PCDH9: variants seen among roughly 807,000 people sequenced by gnomAD.
PCDH9 encodes protocadherin-9.
In PCDH9, 24 loss-of-function variants were observed where a neutral mutation model predicts 70.6. The observed-to-expected ratio is 0.34, with a 90% CI of 0.25 to 0.48. The LOEUF (loss-of-function observed/expected upper bound fraction) is 0.48, where lower values mean the gene tolerates loss of function less well. PCDH9 is among the 20% of genes least tolerant of loss of function. The pLI, the probability that PCDH9 is intolerant of heterozygous loss-of-function variation, is 0.99. For missense variants in PCDH9, 1,281 were observed against 1,503.6 expected (o/e 0.85, Z 2.45); for synonymous variants, 562 against 558.5 (o/e 1.01, Z -0.09).
chr13:66,616,329 C>T (rs1177903746), intron 4 of PCDH9, among the ~76,000 whole-genome samples: 4 of 151,990 alleles, frequency 2.6e-5, no homozygotes, highest in African/African-American at 9.7e-5. Context: ...ATTCTTACTG[C>T]ACTTTTTGCA....
At chr13:66,358,208 G>T (rs999611174) in intron 4 of PCDH9, among the ~76,000 whole-genome samples, 9 of 151,796 alleles carry the variant, frequency 5.9e-5, no homozygotes, top group Admixed American at 1.3e-4. Context: ...TTTACTTAAA[G>T]AAAGCTACTA....
intron 3 of PCDH9, among the ~76,000 whole-genome samples, chr13:66,862,053 C>T (rs1594167105): frequency 6.6e-6 from 1 of 152,280 alleles, no homozygotes; most frequent in East Asian, 1.9e-4. Flanking sequence ...GTTTGTGTCA[C>T]ATTGAACTTG....
intron 4 of PCDH9, among the ~76,000 whole-genome samples, chr13:66,621,397 G>A (rs1275566944): frequency 6.6e-6 from 1 of 152,174 alleles, no homozygotes; most frequent in African/African-American, 2.4e-5. Flanking sequence ...TGACAGGCAT[G>A]GAGAATAGAA....
At chr13:66,893,061 G>A (rs1192587576) in intron 3 of PCDH9, among the ~76,000 whole-genome samples, 2 of 152,042 alleles carry the variant, frequency 1.3e-5, no homozygotes, top group Non-Finnish European at 2.9e-5. Flanking sequence ...TGTGTTCTTT[G>A]AGTATCATTT....
chr13:66,584,679 C>T, intron 4 of PCDH9, among the ~76,000 whole-genome samples: 1 of 152,016 alleles, frequency 6.6e-6, no homozygotes, highest in Non-Finnish European at 1.5e-5. Flanking sequence ...CATATTAAAG[C>T]CTGTCAAAAT....
chr13:66,633,942 CTA>C (rs573784279), intron 3 of PCDH9, among the ~76,000 whole-genome samples: 54 of 130,272 alleles, frequency 4.1e-4, no homozygotes, highest in African/African-American at 1.4e-3. Flanking sequence ...TGAGCATCTA[CTA>C]TATACCTGGT....
At chr13:66,686,302 T>C (rs2078400754) in intron 3 of PCDH9, among the ~76,000 whole-genome samples, 1 of 152,168 alleles carries the variant, frequency 6.6e-6, no homozygotes, top group South Asian at 2.1e-4. Context: ...CCCCTTTTGC[T>C]TGGCACTTAT....
At chr13:66,506,844 G>A (rs1280239746) in intron 4 of PCDH9, among the ~76,000 whole-genome samples, 2 of 152,204 alleles carry the variant, frequency 1.3e-5, no homozygotes, top group African/African-American at 4.8e-5. Context: ...CCAAGAGGAA[G>A]AAATACTTTT....
rs1170498360 is a variant in PCDH9, at chr13:67,227,891, C to T, written c.550G>A (p.Gly184Arg). The change falls in exon 2 of 5, where the codon GGG becomes AGG. Residue 184 changes from glycine to arginine, a missense_variant. Coordinates refer to ENST00000377865, the MANE Select transcript of PCDH9 (RefSeq NM_203487.3). The surrounding 1 kb of genome is among the most constrained non-coding windows in gnomAD (Gnocchi z 4.6). ...NGVQHYELLNGQSVFGLDIVE... is the reference protein window; with the variant it reads ...NGVQHYELLNRQSVFGLDIVE... The stretch of plus-strand genomic sequence containing the variant: ...ATATCCAGTCCAAAAACACTCTGCC[C>T]ATTTAACAATTCATAATGCTGTACA... 1 of 1,614,052 alleles carries T rather than the reference C, an allele frequency of 6.2e-7. No homozygotes were observed. The highest frequency in any genetic ancestry group is 1.3e-5 in the African/African-American group (1 of 75,038).
chr13:67,100,785 T>G (rs1489491677), intron 2 of PCDH9, among the ~76,000 whole-genome samples: 1 of 152,206 alleles, frequency 6.6e-6, no homozygotes, highest in Non-Finnish European at 1.5e-5. Flanking sequence ...CTCTAAGCTA[T>G]TCATTCCTTT....
intron 4 of PCDH9, among the ~76,000 whole-genome samples, chr13:66,398,227 CTG>C (rs1957136509): frequency 1.3e-5 from 2 of 152,042 alleles, no homozygotes; most frequent in South Asian, 4.1e-4. Context: ...AAATGAGACT[CTG>C]TGTCCAAATT....
intron 3 of PCDH9, among the ~76,000 whole-genome samples, chr13:66,769,028 T>C (rs2079762117): frequency 6.6e-6 from 1 of 152,100 alleles, no homozygotes; most frequent in Admixed American, 6.6e-5. Context: ...GTATGCATCA[T>C]CTTACTTTGT....
In PCDH9 at chr13:66,516,030, CAG is replaced by C. The variant is rs1361614848; in HGVS notation, c.3340+115178_3340+115179del. ...CACTGAAAATGAAATATTTTATTTT[CAG>C]AGTTTTTTCTTAACACCATTTGAAA... On this transcript the variant is annotated intron_variant, in intron 4 of 4. Transcript: ENST00000377865. Among the ~76,000 whole-genome samples, 4 of 152,054 alleles carry C rather than the reference CAG, an allele frequency of 2.6e-5. No individual in the cohort carries two copies. In the South Asian group the frequency reaches 8.3e-4, roughly 31 times the overall value.
intron 3 of PCDH9, among the ~76,000 whole-genome samples, chr13:66,893,148 A>C (rs965126556): frequency 6.6e-6 from 1 of 152,180 alleles, no homozygotes; most frequent in African/African-American, 2.4e-5. Flanking sequence ...TGTTAAATGC[A>C]TGTTTATGTA....
chr13:67,185,161 A>C (rs866842546), intron 2 of PCDH9, among the ~76,000 whole-genome samples: 4 of 152,354 alleles, frequency 2.6e-5, no homozygotes, highest in Middle Eastern at 3.4e-3. Flanking sequence ...GAAAGAAAAT[A>C]ACATCACCAT....
At chr13:66,932,362 G>A (rs1375217072) in intron 2 of PCDH9, among the ~76,000 whole-genome samples, 1 of 152,040 alleles carries the variant, frequency 6.6e-6, no homozygotes, top group Non-Finnish European at 1.5e-5. Context: ...AAACGAACTC[G>A]TGGAGTCCTC....
At chr13:66,497,389 C>T (rs1209968180) in intron 4 of PCDH9, among the ~76,000 whole-genome samples, 1 of 152,074 alleles carries the variant, frequency 6.6e-6, no homozygotes, top group African/African-American at 2.4e-5. Context: ...AATTGAGTGG[C>T]ACTTACAAAT....
chr13:66,717,480 A>AAAAAAAAAAAAAAAAAAAAAAAAT (rs1566145314), intron 3 of PCDH9, among the ~76,000 whole-genome samples: 1 of 44,434 alleles, frequency 2.3e-5, no homozygotes, highest in African/African-American at 8.8e-5. Flanking sequence ...AAAAAAAAAA[A>AAAAAAAAAAAAAAAAAAAAAAAAT]ATATATATAT....
chr13:66,950,464 A>G (rs918597170), intron 2 of PCDH9, among the ~76,000 whole-genome samples: 5 of 152,104 alleles, frequency 3.3e-5, no homozygotes, highest in African/African-American at 7.2e-5. Flanking sequence ...GGAAACATGG[A>G]AAGTTCTTCA....
Sources: gnomAD v4.1 joint callset for allele counts (sites outside exome capture counted in the v4.1 genomes callset) on GRCh38, gnomAD v4.1.1 for gene constraint, Gnocchi (gnomAD v3.1) non-coding constraint, MANE v1.5 for transcripts, NCBI Gene and HGNC (gene_info 2026-07-23, HGNC 2026-07-21) for gene names.